KMT2E: variants seen among roughly 807,000 people sequenced by gnomAD.
KMT2E encodes histone reader KMT2E.
Under a neutral mutation model 184.6 loss-of-function variants are expected in KMT2E, and 30 were observed. The ratio of observed to expected loss-of-function variants is 0.16; its 90% CI spans 0.12 to 0.22. The LOEUF (loss-of-function observed/expected upper bound fraction) is 0.22. Ranked by LOEUF, KMT2E falls within the 10% of genes least tolerant of loss-of-function variation. The pLI is 1.00. For synonymous variants in KMT2E, 815 were observed against 776.5 expected (o/e 1.05, Z -0.82); for missense variants, 2,023 against 2,237.4 (o/e 0.90, Z 1.93).
Position 105,074,746 on chromosome 7 carries a change from T to G in KMT2E, c.660T>G (p.Val220=), listed in dbSNP as rs773202469. ...PTSITLTASR[V]SKVNDKRRKK... The stretch of plus-strand genomic sequence containing the variant: ...CAATTACTTTAACTGCTTCAAGAGT[T>G]TCCAAAGTTAATGATAAAAGAAGGA... Residue 220 remains valine (V), a synonymous_variant, in exon 8 of 27, where the codon GTT becomes GTG. Transcript: ENST00000311117. 1 of 1,610,856 alleles carries G rather than the reference T, an allele frequency of 6.2e-7. No homozygotes were observed. The highest frequency in any genetic ancestry group is 1.1e-5 in the South Asian group (1 of 90,312).
rs575427215 is a variant in KMT2E at position 105,113,367 on chromosome 7, G to C, written c.*34G>C. On this transcript the variant is annotated 3_prime_UTR_variant, in exon 27 of 27. Coordinates refer to ENST00000311117, the MANE Select transcript of KMT2E (RefSeq NM_182931.3). ...CCAAAAACATTTTTTTAAATGTTCT[G>C]TAAGATAAACTGTATATTTCATATG... 6.3e-7 allele frequency: 1 copy of C among 1,579,170 alleles called. No homozygotes were observed. Among genetic ancestry groups the C allele is most frequent in the Admixed American group, 1.7e-5 (1 of 57,258 alleles).
chr7:105,073,409 A>G (rs1473476073), intron 6 of KMT2E, among the ~76,000 whole-genome samples: 1 of 151,952 alleles, frequency 6.6e-6, no homozygotes, highest in East Asian at 1.9e-4. Flanking sequence ...GAAAAAAAAA[A>G]AAAAAAAAAA....
chr7:105,077,279 TC>T, intron 10 of KMT2E, 23 bp from the exon 11 acceptor site: 1 of 1,604,326 alleles, frequency 6.2e-7, no homozygotes, highest in Non-Finnish European at 8.5e-7. Flanking sequence ...GTTTATTTAA[TC>T]TCAACATTTA....
At position 105,041,111 on chromosome 7, in the gene KMT2E, T is replaced by C. The variant is rs996137282; in HGVS notation, c.71+88T>C. The C allele has an allele frequency of 6.2e-5, 46 of 747,130 alleles. 1 individual carries two copies. The South Asian group carries it at 8.9e-4, about 15-fold the overall frequency. 46.3% of individuals were successfully genotyped at this position (747,130 alleles called of 1,614,324 possible). A position where few individuals can be genotyped will look rare whatever the true frequency, so the allele number is the denominator to read the frequency against. On this transcript the variant is annotated intron_variant, in intron 3 of 26. Transcript: ENST00000311117. ...TAGGAAGAAGTATAAGTGGAAAATA[T>C]TAAATTTCTTCTTTCCTAGCCATTT... is the stretch of plus-strand genomic sequence containing the variant.
intron 1 of KMT2E, among the ~76,000 whole-genome samples, chr7:105,024,662 G>T (rs1795099291): frequency 6.6e-6 from 1 of 152,128 alleles, no homozygotes; most frequent in Non-Finnish European, 1.5e-5. Flanking sequence ...TATTTTATAA[G>T]GAGATTGAGC....
intron 23 of KMT2E, 117 bp downstream of exon 23, chr7:105,109,345 A>G (rs1799072178): frequency 2.0e-6 from 2 of 1,023,704 alleles, no homozygotes; most frequent in African/African-American, 3.2e-5. Context: ...CAATTTTAAA[A>G]GATTCTCTCT....
At chr7:105,061,877 G>A (rs369780127) in intron 3 of KMT2E, 15 of 252,988 alleles carry the variant, frequency 5.9e-5, no homozygotes, top group East Asian at 4.7e-4. Context: ...TCTCAGTGCC[G>A]TAGGGTTTAT....
At chr7:105,041,419 AC>A (rs1461022833) in intron 3 of KMT2E, among the ~76,000 whole-genome samples, 1 of 152,136 alleles carries the variant, frequency 6.6e-6, no homozygotes, top group Non-Finnish European at 1.5e-5. Context: ...ACCCCCAGCA[AC>A]AGATGGAGTT....
intron 9 of KMT2E, among the ~76,000 whole-genome samples, chr7:105,076,651 G>C (rs967513039): frequency 2.0e-5 from 3 of 152,154 alleles, no homozygotes; most frequent in African/African-American, 7.2e-5. Context: ...AGTTTGTCTG[G>C]GGTCACAGAG....
At chr7:105,015,445 C>T (rs973941481) in intron 1 of KMT2E, among the ~76,000 whole-genome samples, 4 of 152,162 alleles carry the variant, frequency 2.6e-5, no homozygotes, top group African/African-American at 9.7e-5. Flanking sequence ...CTAGAGTTAG[C>T]TCTAGAGTAA....
At chr7:105,048,203 ATTTTGTATTT>A (rs1212662800) in intron 3 of KMT2E, among the ~76,000 whole-genome samples, 4 of 152,008 alleles carry the variant, frequency 2.6e-5, no homozygotes, top group African/African-American at 4.8e-5. Context: ...CACTTGGCTA[ATTTTGTATTT>A]TTTTGTACAG....
intron 3 of KMT2E, among the ~76,000 whole-genome samples, chr7:105,050,371 G>C (rs565895102): frequency 2.2e-4 from 34 of 152,178 alleles, no homozygotes; most frequent in South Asian, 1.0e-3. Context: ...GTTATGCCCA[G>C]GTGCTTTAAA....
intron 26 of KMT2E, chr7:105,111,069 A>G (rs1799232807): frequency 1.8e-6 from 1 of 553,800 alleles, no homozygotes; most frequent in East Asian, 2.9e-5. Flanking sequence ...CTCTGACCAA[A>G]CATTCAAGTT....
chr7:105,057,427 G>C (rs1462361534), intron 3 of KMT2E, among the ~76,000 whole-genome samples: 2 of 152,032 alleles, frequency 1.3e-5, no homozygotes, highest in African/African-American at 4.8e-5. Context: ...TGTTTCATCT[G>C]TCTTTGAGTT....
chr7:105,020,020 A>C (rs1215027955), intron 1 of KMT2E, among the ~76,000 whole-genome samples: 9 of 151,580 alleles, frequency 5.9e-5, no homozygotes, highest in African/African-American at 2.2e-4. Context: ...AGGCAGGAGA[A>C]TTGCTTGAAC....
intron 17 of KMT2E, chr7:105,104,065 T>C (rs1207453340): frequency 6.6e-6 from 1 of 152,132 alleles, no homozygotes. Flanking sequence ...GACCTTGTGA[T>C]CCACCTGCCT....
chr7:105,113,023 C>G lies in KMT2E; in HGVS notation c.5267C>G (p.Pro1756Arg). ...GPPLFPSSAH[P>R]TVPPYPSQAT... The stretch of plus-strand genomic sequence containing the variant: ...CCACTTTTTCCTTCGAGTGCTCATC[C>G]AACTGTACCACCGTATCCCTCACAA... The change falls in exon 27 of 27, where the codon CCA becomes CGA. Residue 1756 changes from proline to arginine, a missense_variant. Pro to Arg is a moderately radical substitution (Grantham distance 103). This residue lies in a region of KMT2E where 1,108 missense variants were observed against 1,050.9 expected (regional missense o/e 1.05). Transcript: ENST00000311117. 1 of 1,614,072 alleles carries G rather than the reference C, an allele frequency of 6.2e-7. No individual in the cohort carries two copies. The highest frequency in any genetic ancestry group is 8.5e-7 in the Non-Finnish European group (1 of 1,180,004).
intron 13 of KMT2E, among the ~76,000 whole-genome samples, chr7:105,085,613 C>T (rs1197919854): frequency 2.0e-5 from 3 of 152,094 alleles, no homozygotes; most frequent in Non-Finnish European, 2.9e-5. Context: ...AAACATTATC[C>T]ATTGAAGCCC....
chr7:105,096,247 CAAAAAAA>C (rs11330758), intron 15 of KMT2E, among the ~76,000 whole-genome samples: 6 of 69,266 alleles, frequency 8.7e-5, no homozygotes, highest in Admixed American at 5.2e-4. Context: ...GTGAAAGGCT[CAAAAAAA>C]AAAAAAAAAA....
Sources: allele counts gnomAD v4.1 joint callset (sites outside exome capture counted in the v4.1 genomes callset), GRCh38; gene constraint gnomAD v4.1.1; regional missense constraint gnomAD v4.1.1; transcripts MANE v1.5; gene names NCBI Gene and HGNC (gene_info 2026-07-23, HGNC 2026-07-21).